The following RSRC1 variants were observed in gnomAD, a reference collection of about 807,000 sequenced individuals.
RSRC1 encodes serine/Arginine-related protein 53.
RSRC1 carries 39 observed loss-of-function variants against 49.1 expected under a neutral mutation model. The ratio of observed to expected loss-of-function variants is 0.79; its 90% confidence interval spans 0.61 to 1.04. The LOEUF (loss-of-function observed/expected upper bound fraction) is 1.04. Among genes scored for constraint, RSRC1 ranks in the 50% least tolerant of loss-of-function variants. The pLI, the probability that RSRC1 is intolerant of heterozygous loss-of-function variation, is 0.00. For synonymous variants in RSRC1, 143 were observed against 130.8 expected, an observed-to-expected ratio of 1.09 and a Z score of -0.63; for missense variants, 388 against 402.4, an observed-to-expected ratio of 0.96 and a Z score of 0.31.
intron 5 of RSRC1, among the ~76,000 whole-genome samples, chr3:158,349,092 G>A (rs1730722256): frequency 6.6e-6 from 1 of 151,636 alleles, no homozygotes; most frequent in African/African-American, 2.4e-5. Context: ...TTTGGGTAAT[G>A]AGATTACAGG....
At chr3:158,221,794 T>A (rs1722233496) in intron 4 of RSRC1, among the ~76,000 whole-genome samples, 1 of 151,546 alleles carries the variant, frequency 6.6e-6, no homozygotes, top group South Asian at 2.1e-4. Context: ...AAAATATAGA[T>A]TCTGAGGACT....
intron 4 of RSRC1, among the ~76,000 whole-genome samples, chr3:158,257,925 A>G (rs1190374003): frequency 6.6e-6 from 1 of 151,798 alleles, no homozygotes; most frequent in Non-Finnish European, 1.5e-5. Context: ...ACTAATACAA[A>G]CTCTATGCCT....
intron 4 of RSRC1, among the ~76,000 whole-genome samples, chr3:158,210,475 C>CAAAA: frequency 1.7e-5 from 1 of 59,508 alleles, no homozygotes; most frequent in African/African-American, 6.2e-5. Context: ...TTATAGCATG[C>CAAAA]AAAAAAAAAA....
intron 4 of RSRC1, among the ~76,000 whole-genome samples, chr3:158,259,424 C>G (rs536884108): frequency 6.6e-6 from 1 of 152,206 alleles, no homozygotes; most frequent in South Asian, 2.1e-4. Flanking sequence ...TTTCTTTTCC[C>G]CAAACAGAGT....
chr3:158,179,162 A>G (rs1254645550), intron 3 of RSRC1, among the ~76,000 whole-genome samples: 2 of 152,098 alleles, frequency 1.3e-5, no homozygotes, highest in Non-Finnish European at 2.9e-5. Flanking sequence ...CTTGAGAATA[A>G]TGTATTTGGA....
Position 158,413,205 on chromosome 3 carries a change from C to T in RSRC1, c.584-47730C>T, listed in dbSNP as rs367579716. 2.1e-4 allele frequency among the ~76,000 whole-genome samples: 32 copies of T among 152,252 alleles called. No homozygotes were observed. In the South Asian group the frequency reaches 6.2e-3, roughly 30 times the overall value. Reference sequence around the variant, plus strand: ...AAGATCACATCTGCAACCATCTGATCTTCAACATACCTGACAAAAACAAGC... The same window carrying T: ...AAGATCACATCTGCAACCATCTGATTTTCAACATACCTGACAAAAACAAGC... On this transcript the variant is annotated intron_variant, in intron 6 of 9. Coordinates refer to ENST00000611884, the MANE Select transcript of RSRC1 (RefSeq NM_001271838.2).
chr3:158,114,708 T>A (rs1258077944), intron 1 of RSRC1, among the ~76,000 whole-genome samples: 1 of 152,118 alleles, frequency 6.6e-6, no homozygotes. Context: ...CTTGAAGAGG[T>A]CCTTCACTTC....
intron 7 of RSRC1, among the ~76,000 whole-genome samples, chr3:158,465,021 C>T (rs1737810238): frequency 6.6e-6 from 1 of 152,104 alleles, no homozygotes; most frequent in Non-Finnish European, 1.5e-5. Context: ...AGCCTGCCCT[C>T]CAGCTCCTAG....
intron 7 of RSRC1, among the ~76,000 whole-genome samples, chr3:158,524,519 T>C (rs578020594): frequency 6.6e-6 from 1 of 152,178 alleles, no homozygotes; most frequent in African/African-American, 2.4e-5. Flanking sequence ...CTTTGCAGAA[T>C]TCATATTCTG....
At chr3:158,287,560 G>A (rs1726644807) in intron 4 of RSRC1, among the ~76,000 whole-genome samples, 1 of 152,082 alleles carries the variant, frequency 6.6e-6, no homozygotes, top group Non-Finnish European at 1.5e-5. Flanking sequence ...GAACCTAAAT[G>A]TCCAAAAATA....
In RSRC1 at chr3:158,192,837, T is replaced by C. The variant is rs139393286; in HGVS notation, c.321-10235T>C. Among the ~76,000 whole-genome samples, 89 of 152,172 alleles carry C rather than the reference T, an allele frequency of 5.8e-4. 1 individual carries two copies. Among genetic ancestry groups the C allele is most frequent in the Middle Eastern group, 6.8e-3 (2 of 294 alleles). On this transcript the variant is annotated intron_variant, in intron 3 of 9. Coordinates refer to ENST00000611884, the MANE Select transcript of RSRC1 (RefSeq NM_001271838.2). ...GGGTTATCTGTGAAGACAAGGATAT[T>C]AGTACTTCAGATTATTATTATTCAC...
intron 5 of RSRC1, among the ~76,000 whole-genome samples, chr3:158,330,436 C>A (rs947420340): frequency 1.3e-5 from 2 of 152,124 alleles, no homozygotes; most frequent in Non-Finnish European, 2.9e-5. Flanking sequence ...AAATGAAAAT[C>A]CTATGTCAAA....
At chr3:158,217,123 TA>T (rs1448037231) in intron 4 of RSRC1, among the ~76,000 whole-genome samples, 1 of 151,528 alleles carries the variant, frequency 6.6e-6, no homozygotes, top group Non-Finnish European at 1.5e-5. Context: ...AGAGGAGAAT[TA>T]AAAGATGTGA....
At chr3:158,128,899 G>C (rs898922266) in intron 3 of RSRC1, among the ~76,000 whole-genome samples, 1 of 152,176 alleles carries the variant, frequency 6.6e-6, no homozygotes, top group Non-Finnish European at 1.5e-5. Context: ...CTCGTGATTA[G>C]AGTGAGCTAT....
intron 7 of RSRC1, among the ~76,000 whole-genome samples, chr3:158,475,908 A>G (rs1373112121): frequency 5.9e-5 from 9 of 152,206 alleles, no homozygotes; most frequent in Admixed American, 5.9e-4. Flanking sequence ...AGGCATGTCA[A>G]AAGTCCAGAG....
At chr3:158,536,103 C>A (rs1203310301) in intron 7 of RSRC1, among the ~76,000 whole-genome samples, 1 of 151,434 alleles carries the variant, frequency 6.6e-6, no homozygotes, top group East Asian at 1.9e-4. Context: ...CCCCAATGAT[C>A]AATCTTAACC....
intron 3 of RSRC1, among the ~76,000 whole-genome samples, chr3:158,179,231 C>T (rs564882774): frequency 2.6e-4 from 39 of 152,222 alleles, no homozygotes; most frequent in Non-Finnish European, 4.4e-4. Flanking sequence ...TGAAATAATA[C>T]GGAGAGATCC....
At position 158,203,181 on chromosome 3, in the gene RSRC1, A is replaced by G. The variant is rs557043948; in HGVS notation, c.430A>G (p.Lys144Glu). Residue 144 changes from lysine (K) to glutamate (E), a missense_variant, in exon 4 of 10, where the codon AAA becomes GAA. By Grantham distance (56) the Lys-to-Glu change is moderately conservative. Coordinates refer to ENST00000611884, the MANE Select transcript of RSRC1 (RefSeq NM_001271838.2). ...TAGAGAACGACGTAAGGGCAGAGAT[A>G]AAGAGAAAAGAGAAAAGGAGAAGGA... The part of the protein sequence containing the change: ...RDRERRKGRD[K>E]EKREKEKDKG... 1 of 1,612,366 alleles carries G rather than the reference A, an allele frequency of 6.2e-7. No individual in the cohort carries two copies. The highest frequency in any genetic ancestry group is 2.2e-5 in the East Asian group (1 of 44,776).
chr3:158,447,028 C>A (rs1736757496), intron 6 of RSRC1, among the ~76,000 whole-genome samples: 1 of 152,000 alleles, frequency 6.6e-6, no homozygotes, highest in Non-Finnish European at 1.5e-5. Context: ...GTAGGGGTAT[C>A]CCAACTAGTA....
Sources: allele counts gnomAD v4.1 joint callset (sites outside exome capture counted in the v4.1 genomes callset), GRCh38; gene constraint gnomAD v4.1.1; transcripts MANE v1.5; gene names NCBI Gene and HGNC (gene_info 2026-07-23, HGNC 2026-07-21).